Variants in IGF1R observed in about 807,000 individuals in gnomAD.
The protein encoded by IGF1R is insulin like growth factor 1 receptor, also known as insulin-like growth factor 1 receptor.
A neutral mutation model predicts 144.6 loss-of-function variants in IGF1R; 44 were observed. That is an observed-to-expected ratio of 0.30 (90% CI 0.24 to 0.39). The LOEUF is 0.39. Among genes scored for constraint, IGF1R ranks in the 10% least tolerant of loss-of-function variants. The pLI, the probability that IGF1R is intolerant of heterozygous loss-of-function variation, is 1.00. For missense variants in IGF1R, 1,355 were observed against 1,833.7 expected (o/e 0.74, Z 4.77); for synonymous variants, 795 against 722.8 (o/e 1.10, Z -1.60).
At chr15:98,806,216 C>A (rs1405877198) in intron 2 of IGF1R, among the ~76,000 whole-genome samples, 2 of 152,160 alleles carry the variant, frequency 1.3e-5, no homozygotes, top group Non-Finnish European at 2.9e-5. Flanking sequence ...CCAGAGTGGA[C>A]AGGACAAGTG....
At chr15:98,774,713 A>G (rs2055671642) in intron 2 of IGF1R, among the ~76,000 whole-genome samples, 1 of 139,992 alleles carries the variant, frequency 7.1e-6, no homozygotes. Flanking sequence ...TGGTTTGGGG[A>G]AGGGAGTGGA....
intron 2 of IGF1R, among the ~76,000 whole-genome samples, chr15:98,762,075 G>T (rs1490886627): frequency 6.6e-6 from 1 of 152,098 alleles, no homozygotes; most frequent in Non-Finnish European, 1.5e-5. Context: ...ATACCTCAGG[G>T]TACATTTTCC....
rs74649953 is a variant in IGF1R at position 98,852,047 on chromosome 15, T to C, written c.641-39278T>C. Among the ~76,000 whole-genome samples the C allele has an allele frequency of 8.7e-3, 1,320 of 152,206 alleles. 8 individuals are homozygous for C. Among genetic ancestry groups the C allele is most frequent in the Non-Finnish European group, 0.011 (776 of 67,994 alleles). ...AAAATTAATCTTAAAAGGTGGAGGG[T>C]TGGGGTGGAGGGCAGGAAAGAGGAG... On this transcript the variant is annotated intron_variant, in intron 2 of 20. Transcript: ENST00000650285.
chr15:98,718,911 TC>T lies in IGF1R; in HGVS notation c.640+10806del, dbSNP rs1276239681. Among the ~76,000 whole-genome samples, 8 of 148,552 alleles carry T rather than the reference TC, an allele frequency of 5.4e-5. No homozygotes were observed. The East Asian group carries it at 1.6e-3, about 30-fold the overall frequency. On this transcript the variant is annotated intron_variant, in intron 2 of 20. Transcript: ENST00000650285. ...CAGAGACAAATGGAAACTAGTCAGA[TC>T]CTTGGGTCCTAGAAAAGACCAGCTT...
chr15:98,690,487 A>C (rs1279706683), intron 1 of IGF1R, among the ~76,000 whole-genome samples: 1 of 152,238 alleles, frequency 6.6e-6, no homozygotes, highest in East Asian at 1.9e-4. Context: ...TTGCTATGCA[A>C]GCAAAAATGC....
At chr15:98,755,305 A>G (rs1460826859) in intron 2 of IGF1R, among the ~76,000 whole-genome samples, 5 of 152,106 alleles carry the variant, frequency 3.3e-5, no homozygotes, top group East Asian at 1.9e-4. Context: ...TGGATGATTC[A>G]TAGTTTAGTC....
rs1411206912 is a variant in IGF1R, at chr15:98,963,922, C to T, written c.*6480C>T. 8.6e-6 allele frequency: 2 copies of T among 233,204 alleles called. No homozygotes were observed. The highest frequency in any genetic ancestry group is 1.7e-5 in the Non-Finnish European group (2 of 118,004). The allele number at this position is 233,204 out of a possible 1,614,324, so 14.4% of individuals were successfully genotyped here. On this transcript the variant is annotated 3_prime_UTR_variant, in exon 21 of 21. Coordinates refer to ENST00000650285, the MANE Select transcript of IGF1R (RefSeq NM_000875.5). ...CACAATATCTCTATCATGGGAAACA[C>T]CTGGGGTTTTTGCGCTACATAGGAG...
intron 2 of IGF1R, among the ~76,000 whole-genome samples, chr15:98,726,744 A>T (rs2054371430): frequency 8.2e-6 from 1 of 121,582 alleles, no homozygotes; most frequent in Admixed American, 9.1e-5. Flanking sequence ...TTTGAGATAG[A>T]GTCTTGCTCT....
At chr15:98,887,975 G>A (rs914991163) in intron 2 of IGF1R, among the ~76,000 whole-genome samples, 5 of 152,334 alleles carry the variant, frequency 3.3e-5, no homozygotes, top group South Asian at 4.1e-4. Flanking sequence ...GTGCCTCCCC[G>A]GGCAGTGGTC....
At chr15:98,844,687 A>G (rs777215206) in intron 2 of IGF1R, among the ~76,000 whole-genome samples, 6 of 152,074 alleles carry the variant, frequency 3.9e-5, no homozygotes, top group Non-Finnish European at 5.9e-5. Context: ...TTGATTTGAA[A>G]TGTCTAGAGA....
intron 1 of IGF1R, among the ~76,000 whole-genome samples, chr15:98,652,253 G>A (rs973101794): frequency 6.6e-6 from 1 of 152,212 alleles, no homozygotes; most frequent in Non-Finnish European, 1.5e-5. Flanking sequence ...GATAATCTGA[G>A]GGCTATTTTG....
chr15:98,899,221 A>T (rs892265558), intron 4 of IGF1R, among the ~76,000 whole-genome samples: 6 of 152,206 alleles, frequency 3.9e-5, no homozygotes, highest in Non-Finnish European at 8.8e-5. Flanking sequence ...ATATTTTGTT[A>T]ATCAGCTTGG....
At chr15:98,951,980 A>C (rs1183975401) in intron 20 of IGF1R, among the ~76,000 whole-genome samples, 1 of 152,142 alleles carries the variant, frequency 6.6e-6, no homozygotes, top group African/African-American at 2.4e-5. Flanking sequence ...CTGTGTTGTC[A>C]CAAAATATTC....
chr15:98,911,182 C>G (rs2014998956), intron 6 of IGF1R, 133 bp from the exon 7 acceptor site: 2 of 951,694 alleles, frequency 2.1e-6, no homozygotes. Flanking sequence ...ACGAGAAAGC[C>G]ACTGAGGAAG....
At chr15:98,858,759 C>G (rs369324826) in intron 2 of IGF1R, among the ~76,000 whole-genome samples, 113 of 152,334 alleles carry the variant, frequency 7.4e-4, no homozygotes, top group African/African-American at 2.6e-3. Context: ...GGGGAGAAAT[C>G]TCTCACTCTG....
At chr15:98,851,632 C>T (rs1007845432) in intron 2 of IGF1R, among the ~76,000 whole-genome samples, 2 of 152,152 alleles carry the variant, frequency 1.3e-5, no homozygotes, top group African/African-American at 2.4e-5. Context: ...TTTGGGGAAG[C>T]AGCACTTCCC....
intron 2 of IGF1R, among the ~76,000 whole-genome samples, chr15:98,757,896 C>A (rs910893610): frequency 5.3e-5 from 8 of 152,154 alleles, no homozygotes; most frequent in African/African-American, 1.4e-4. Flanking sequence ...TTGAACAAGT[C>A]CTTTGCTAAT....
chr15:98,813,057 GCTTA>G (rs1027118772), intron 2 of IGF1R, among the ~76,000 whole-genome samples: 36 of 152,052 alleles, frequency 2.4e-4, no homozygotes, highest in African/African-American at 8.5e-4. Context: ...CTGGGGCGAG[GCTTA>G]CTTCCTGGGG....
chr15:98,664,672 G>A (rs1374452215), intron 1 of IGF1R, among the ~76,000 whole-genome samples: 3 of 138,722 alleles, frequency 2.2e-5, no homozygotes, highest in East Asian at 2.1e-4. Context: ...CAGCCTGGGC[G>A]AGAGTGAGAC....
Sources: gnomAD v4.1 joint callset for allele counts (sites outside exome capture counted in the v4.1 genomes callset) on GRCh38, gnomAD v4.1.1 for gene constraint, MANE v1.5 for transcripts, NCBI Gene and HGNC (gene_info 2026-07-23, HGNC 2026-07-21) for gene names.